NR2E1: variants seen among roughly 807,000 people sequenced by gnomAD.
NR2E1 encodes the protein nuclear receptor TLX.
NR2E1 carries 5 observed loss-of-function variants against 43.6 expected under a neutral mutation model. The ratio of observed to expected loss-of-function variants is 0.11; its 90% CI spans 0.06 to 0.24. NR2E1 has a LOEUF of 0.24. Among genes scored for constraint, NR2E1 ranks in the 10% least tolerant of loss-of-function variants. NR2E1 has a pLI of 1.00. For synonymous variants in NR2E1, 191 were observed against 195.5 expected, an observed-to-expected ratio of 0.98 and a Z score of 0.19; for missense variants, 287 against 496.7, an observed-to-expected ratio of 0.58 and a Z score of 4.01.
chr6:108,166,877 G>A lies in NR2E1; in HGVS notation c.25+87G>A, dbSNP rs1773717659. The A allele has an allele frequency of 4.4e-6, 6 of 1,365,806 alleles. No individual in the cohort carries two copies. Among genetic ancestry groups the A allele is most frequent in the Admixed American group, 2.0e-5 (1 of 50,802 alleles). 84.6% of individuals were successfully genotyped at this position (1,365,806 alleles called of 1,614,324 possible). ...GGCTGGGGGAGGTCCTGCCTGGAGC[G>A]CTGCGAATCTGAGCCCCTGAGAGGG... On this transcript the variant is annotated intron_variant, in intron 1 of 8. Coordinates refer to ENST00000368986, the MANE Select transcript of NR2E1 (RefSeq NM_003269.5). This position sits in a 1 kb window ranked among gnomAD's most constrained non-coding sequence, Gnocchi z 7.2.
Position 108,168,302 on chromosome 6 carries a change from C to A in NR2E1, c.25+1512C>A, listed in dbSNP as rs1582439987. On this transcript the variant is annotated intron_variant, in intron 1 of 8. Transcript: ENST00000368986. ...GTGGGTCTCGGCAGGCCTCCTAGCTCGCTCGCCCCGGGACAGGCCCTCGCC... is the reference window on the plus strand; with the variant it reads ...GTGGGTCTCGGCAGGCCTCCTAGCTAGCTCGCCCCGGGACAGGCCCTCGCC... 1.9e-5 allele frequency: 15 copies of A among 790,104 alleles called. No homozygotes were observed. The East Asian group carries it at 3.8e-4, about 20-fold the overall frequency. The allele number at this position is 790,104 out of a possible 1,614,324, so 48.9% of individuals were successfully genotyped here.
At chr6:108,186,072 C>T (rs9480839) in intron 8 of NR2E1, among the ~76,000 whole-genome samples, 4,933 of 152,040 alleles carry the variant, frequency 0.032, 260 homozygotes, top group African/African-American at 0.11. Flanking sequence ...AAGGGAGACA[C>T]GGATTTGGGG....
At position 108,171,444 on chromosome 6, in the gene NR2E1, T is replaced by A. The variant is rs758471698; in HGVS notation, c.26-14T>A. On this transcript the variant is annotated splice_polypyrimidine_tract_variant and intron_variant, in intron 1 of 8. Transcript: ENST00000368986. ...CGCCCCTTCCCCCCTTCCCCGTCTTTCCTGCGATTTCAGGCCGCATTTTAG... is the reference window on the plus strand; with the variant it reads ...CGCCCCTTCCCCCCTTCCCCGTCTTACCTGCGATTTCAGGCCGCATTTTAG... The A allele has an allele frequency of 1.9e-6, 3 of 1,613,680 alleles. No homozygotes were observed. In the African/African-American group the frequency reaches 4.0e-5, roughly 22 times the overall value.
chr6:108,174,980 A>T (rs1773872673), intron 3 of NR2E1, 57 bp downstream of exon 3: 2 of 1,482,512 alleles, frequency 1.3e-6, no homozygotes, highest in Admixed American at 3.4e-5. Flanking sequence ...AATTATATGT[A>T]CAGAAAATAC....
chr6:108,166,366 A>G lies in NR2E1; in HGVS notation c.-400A>G. 1 of 203,144 alleles carries G rather than the reference A, an allele frequency of 4.9e-6. No individual in the cohort carries two copies. Among genetic ancestry groups the G allele is most frequent in the South Asian group, 1.1e-4 (1 of 9,234 alleles). The allele number at this position is 203,144 out of a possible 1,614,324, so 12.6% of individuals were successfully genotyped here. ...GAGAGATCGAAGACTGAGTGACAGG[A>G]ATGGGGAAAAAGAGGGATTTCGCTC... is the stretch of plus-strand genomic sequence containing the variant. On this transcript the variant is annotated 5_prime_UTR_variant, in exon 1 of 9. Coordinates refer to ENST00000368986, the MANE Select transcript of NR2E1 (RefSeq NM_003269.5). The surrounding 1 kb of genome is among the most constrained non-coding windows in gnomAD (Gnocchi z 7.2).
At chr6:108,185,185 A>G (rs763731486) in intron 8 of NR2E1, among the ~76,000 whole-genome samples, 1 of 152,210 alleles carries the variant, frequency 6.6e-6, no homozygotes, top group Admixed American at 6.5e-5. Context: ...CTAATTATCG[A>G]GGACGTAAGG....
chr6:108,174,626 C>G (rs1773866470), intron 2 of NR2E1, among the ~76,000 whole-genome samples: 1 of 152,154 alleles, frequency 6.6e-6, no homozygotes, highest in Admixed American at 6.5e-5. Context: ...GGGACTGGCC[C>G]TCTTGAAGTA....
chr6:108,181,054 G>A (rs1446604388), intron 7 of NR2E1, 98 bp downstream of exon 7: 2 of 1,314,846 alleles, frequency 1.5e-6, no homozygotes, highest in Non-Finnish European at 2.2e-6. Context: ...GCAAAAAGAG[G>A]TGATGGTTTT....
chr6:108,171,656 T>C, intron 2 of NR2E1, 53 bp downstream of exon 2: 1 of 1,610,336 alleles, frequency 6.2e-7, no homozygotes, highest in Non-Finnish European at 8.5e-7. Context: ...CTCCTCACTC[T>C]TTTGTTTGTG....
intron 2 of NR2E1, among the ~76,000 whole-genome samples, chr6:108,173,629 A>T (rs557244888): frequency 6.6e-6 from 1 of 152,276 alleles, no homozygotes; most frequent in Non-Finnish European, 1.5e-5. Flanking sequence ...TACTTACTCC[A>T]ACTCCAGAGT....
At position 108,188,553 on chromosome 6, in the gene NR2E1, C is replaced by T. The variant is rs17069347; in HGVS notation, c.*1090C>T. ...CACACACACACACACACACACACACCGTCCTACACTTTAAGCTGCTCCTTT... is the reference window on the plus strand; with the variant it reads ...CACACACACACACACACACACACACTGTCCTACACTTTAAGCTGCTCCTTT... On this transcript the variant is annotated 3_prime_UTR_variant, in exon 9 of 9. Transcript: ENST00000368986. 3.5e-4 allele frequency: 38 copies of T among 108,372 alleles called. No individual in the cohort carries two copies. The highest frequency in any genetic ancestry group is 4.5e-4 in the Admixed American group (5 of 11,114). The allele number at this position is 108,372 out of a possible 1,614,324, so 6.7% of individuals were successfully genotyped here.
chr6:108,181,437 G>A (rs569277019), intron 7 of NR2E1, 109 bp from the exon 8 acceptor site: 36 of 887,868 alleles, frequency 4.1e-5, no homozygotes, highest in Middle Eastern at 5.9e-4. Flanking sequence ...CAAGTGATCC[G>A]CCTGCCTCGG....
intron 1 of NR2E1, chr6:108,168,832 G>C (rs967762885): frequency 2.0e-5 from 3 of 152,624 alleles, no homozygotes; most frequent in Non-Finnish European, 4.4e-5. Flanking sequence ...AGAGCAGAGC[G>C]ATGTCACCCG....
At position 108,181,550 on chromosome 6, in the gene NR2E1, T is replaced by C; in HGVS notation, c.894T>C (p.Pro298=). Residue 298 remains proline (P), a synonymous_variant, in exon 8 of 9, where the codon CCT becomes CCC. Transcript: ENST00000368986. ...TTTCCTGGTCTTCATTTCTAGTTCCTACACATAGTGGTTCTGAACTGAGAA... is the reference window on the plus strand; with the variant it reads ...TTTCCTGGTCTTCATTTCTAGTTCCCACACATAGTGGTTCTGAACTGAGAA... The part of the protein sequence containing the change: ...LKCIVTFKAV[P]THSGSELRSF... The C allele has an allele frequency of 6.2e-7, 1 of 1,613,008 alleles. No individual in the cohort carries two copies. The highest frequency in any genetic ancestry group is 8.5e-7 in the Non-Finnish European group (1 of 1,178,986).
intron 3 of NR2E1, among the ~76,000 whole-genome samples, chr6:108,175,271 G>A (rs1176066680): frequency 6.6e-6 from 1 of 152,214 alleles, no homozygotes; most frequent in Admixed American, 6.5e-5. Context: ...CCACCCTTAA[G>A]CCTGCTAGCC....
intron 7 of NR2E1, 49 bp downstream of exon 7, chr6:108,181,005 C>G (rs937623684): frequency 6.2e-7 from 1 of 1,601,616 alleles, no homozygotes. Context: ...GTTTTGCCAC[C>G]TCACTAATTC....
At chr6:108,168,307 G>GA in intron 1 of NR2E1, 13 of 793,328 alleles carry the variant, frequency 1.6e-5, no homozygotes, top group South Asian at 6.1e-5. Context: ...TAGCTCGCTC[G>GA]CCCCGGGACA....
At chr6:108,168,348 GC>G (rs1334100441) in intron 1 of NR2E1, among the ~76,000 whole-genome samples, 14 of 152,246 alleles carry the variant, frequency 9.2e-5, no homozygotes, top group African/African-American at 3.4e-4. Flanking sequence ...GAAGTAAGGA[GC>G]CCCGGGCTCT....
At chr6:108,170,797 G>A (rs1348088703) in intron 1 of NR2E1, among the ~76,000 whole-genome samples, 2 of 152,088 alleles carry the variant, frequency 1.3e-5, no homozygotes. Context: ...GAACCACTTT[G>A]CGGAGAAAAT....
Sources: allele counts gnomAD v4.1 joint callset (sites outside exome capture counted in the v4.1 genomes callset), GRCh38; gene constraint gnomAD v4.1.1; non-coding constraint Gnocchi (gnomAD v3.1); transcripts MANE v1.5; gene names NCBI Gene and HGNC (gene_info 2026-07-23, HGNC 2026-07-21).